ABCC4: variants seen among roughly 807,000 people sequenced by gnomAD.
ABCC4 encodes ATP binding cassette subfamily C member 4 (PEL blood group), also known as ATP-binding cassette sub-family C member 4.
ABCC4 carries 102 observed loss-of-function variants against 168.5 expected under a neutral mutation model. The ratio of observed to expected loss-of-function variants is 0.61; its 90% CI spans 0.52 to 0.71. The LOEUF is 0.71. Among genes scored for constraint, ABCC4 ranks in the 30% least tolerant of loss-of-function variants. ABCC4 has a pLI of 0.00. For missense variants in ABCC4, 1,402 were observed against 1,605.8 expected (o/e 0.87, Z 2.17); for synonymous variants, 617 against 590.7 (o/e 1.04, Z -0.65).
intron 4 of ABCC4, among the ~76,000 whole-genome samples, chr13:95,222,278 A>G (rs1357297611): frequency 6.6e-6 from 1 of 152,324 alleles, no homozygotes; most frequent in East Asian, 1.9e-4. Context: ...GGCTCATACC[A>G]TAACGGCCCA....
intron 6 of ABCC4, among the ~76,000 whole-genome samples, chr13:95,208,608 CTTTTTTTTTTTT>C (rs58749262): frequency 6.4e-4 from 48 of 74,656 alleles, no homozygotes; most frequent in African/African-American, 2.6e-3. Context: ...AGCTGTATTT[CTTTTTTTTTTTT>C]TTTTTTTTTT....
At chr13:95,245,476 G>C (rs922285054) in intron 3 of ABCC4, among the ~76,000 whole-genome samples, 1 of 152,192 alleles carries the variant, frequency 6.6e-6, no homozygotes, top group African/African-American at 2.4e-5. Flanking sequence ...CTTTCCAACT[G>C]AAACTGATCG....
At chr13:95,202,065 T>TG (rs1398624344) in intron 8 of ABCC4, among the ~76,000 whole-genome samples, 1 of 152,206 alleles carries the variant, frequency 6.6e-6, no homozygotes, top group Non-Finnish European at 1.5e-5. Context: ...TGGGTATCAA[T>TG]GGGAAAGTGT....
At chr13:95,230,975 C>T (rs2039604260) in intron 4 of ABCC4, among the ~76,000 whole-genome samples, 1 of 152,154 alleles carries the variant, frequency 6.6e-6, no homozygotes, top group Non-Finnish European at 1.5e-5. Flanking sequence ...ATCTGGCATA[C>T]AATACAACAC....
intron 1 of ABCC4, among the ~76,000 whole-genome samples, chr13:95,285,651 G>A (rs1178861251): frequency 1.3e-5 from 2 of 152,186 alleles, no homozygotes; most frequent in Non-Finnish European, 2.9e-5. Context: ...GAGCTGAGAG[G>A]TAGGTACTCT....
chr13:95,075,330 G>A, intron 22 of ABCC4, 102 bp downstream of exon 22: 2 of 1,490,794 alleles, frequency 1.3e-6, no homozygotes, highest in Non-Finnish European at 1.8e-6. Context: ...ATGTGGGGCT[G>A]GGCCCTGAGG....
chr13:95,126,720 AATATATATATATATATATAT>A (rs71111594), intron 19 of ABCC4, among the ~76,000 whole-genome samples: 2 of 81,672 alleles, frequency 2.4e-5, no homozygotes, highest in African/African-American at 1.2e-4. Context: ...CTTTTTTTGG[AATATATATATATATATATAT>A]ATATATATAT....
rs1243042039 is a variant in ABCC4, at chr13:95,062,692, T to C, written c.3366+12A>G. The C allele has an allele frequency of 1.2e-6, 2 of 1,611,966 alleles. No homozygotes were observed. The highest frequency in any genetic ancestry group is 2.2e-5 in the East Asian group (1 of 44,868). On this transcript the variant is annotated intron_variant, in intron 26 of 30. Coordinates refer to ENST00000645237, the MANE Select transcript of ABCC4 (RefSeq NM_005845.5). Reference sequence around the variant, plus strand: ...ATAAAAGGGGCAGGTAAGGACGCTATGACTTGCATACCTGAGGTATGATTG... The same window carrying C: ...ATAAAAGGGGCAGGTAAGGACGCTACGACTTGCATACCTGAGGTATGATTG...
intron 4 of ABCC4, among the ~76,000 whole-genome samples, chr13:95,221,987 G>A (rs1284803839): frequency 6.6e-6 from 1 of 152,158 alleles, no homozygotes; most frequent in Non-Finnish European, 1.5e-5. Flanking sequence ...CAGATTTCCA[G>A]GCCCTTTCTC....
intron 4 of ABCC4, among the ~76,000 whole-genome samples, chr13:95,220,671 A>G (rs939476611): frequency 3.3e-5 from 5 of 152,196 alleles, no homozygotes; most frequent in African/African-American, 1.2e-4. Context: ...TTAGGAGAAA[A>G]ATGCACAGAG....
intron 13 of ABCC4, among the ~76,000 whole-genome samples, chr13:95,173,331 G>C (rs2037544094): frequency 1.3e-5 from 2 of 152,220 alleles, no homozygotes; most frequent in African/African-American, 4.8e-5. Flanking sequence ...TCTAGTGCGG[G>C]GGCTGGAGGG....
chr13:95,282,859 G>A (rs773728507), intron 1 of ABCC4, among the ~76,000 whole-genome samples: 3 of 151,996 alleles, frequency 2.0e-5, no homozygotes, highest in Non-Finnish European at 4.4e-5. Context: ...TGTTATGTGT[G>A]AGAGAGAGAA....
At chr13:95,174,234 T>G in intron 13 of ABCC4, among the ~76,000 whole-genome samples, 1 of 152,358 alleles carries the variant, frequency 6.6e-6, no homozygotes, top group Non-Finnish European at 1.5e-5. Flanking sequence ...TTGCAACATA[T>G]AGTTGTAAAA....
intron 3 of ABCC4, among the ~76,000 whole-genome samples, chr13:95,236,406 A>C (rs1008447889): frequency 6.6e-6 from 1 of 152,220 alleles, no homozygotes; most frequent in African/African-American, 2.4e-5. Flanking sequence ...CAGGTTTGCC[A>C]TTGATAGCTG....
chr13:95,117,262 A>G (rs1217764962), intron 19 of ABCC4, among the ~76,000 whole-genome samples: 2 of 152,124 alleles, frequency 1.3e-5, no homozygotes, highest in African/African-American at 4.8e-5. Flanking sequence ...TGTTAAAAAA[A>G]AAAAAAAAAA....
intron 30 of ABCC4, among the ~76,000 whole-genome samples, chr13:95,025,352 ACCCC>A (rs774052500): frequency 1.2e-4 from 1 of 8,214 alleles, no homozygotes; most frequent in Non-Finnish European, 2.2e-4. Flanking sequence ...ACACACCCAC[ACCCC>A]CACACACACC....
At chr13:95,097,778 C>T (rs1194631566) in intron 20 of ABCC4, among the ~76,000 whole-genome samples, 1 of 151,042 alleles carries the variant, frequency 6.6e-6, no homozygotes, top group Non-Finnish European at 1.5e-5. Context: ...AAAAAAATCC[C>T]TAAATCTTTA....
At chr13:95,191,439 G>T (rs527723817) in intron 9 of ABCC4, among the ~76,000 whole-genome samples, 37 of 152,072 alleles carry the variant, frequency 2.4e-4, no homozygotes, top group African/African-American at 8.7e-4. Flanking sequence ...CCCAGAATAG[G>T]TTTCTTTACT....
In ABCC4 at chr13:95,247,703, T is replaced by A. The variant is rs748429503; in HGVS notation, c.125A>T (p.Asp42Val). ...TTCTGGCAGCACTGAATACATATCA[T>A]CTTCCTCTAATCTCCGTTTATGGCC... is the stretch of plus-strand genomic sequence containing the variant. Reference protein sequence around the residue: ...KIGHKRRLEEDDMYSVLPEDR... With the variant: ...KIGHKRRLEEVDMYSVLPEDR... The change falls in exon 2 of 31, where the codon GAT becomes GTT. Residue 42 changes from aspartate to valine, a missense_variant. This residue lies in a region of ABCC4 where 317 missense variants were observed against 345.5 expected (regional missense o/e 0.92). Transcript: ENST00000645237. 12 of 1,614,040 alleles carry A rather than the reference T, an allele frequency of 7.4e-6. No homozygotes were observed. Among genetic ancestry groups the A allele is most frequent in the Non-Finnish European group, 1.0e-5 (12 of 1,179,988 alleles).
Sources: allele counts gnomAD v4.1 joint callset (sites outside exome capture counted in the v4.1 genomes callset), GRCh38; gene constraint gnomAD v4.1.1; regional missense constraint gnomAD v4.1.1; transcripts MANE v1.5; gene names NCBI Gene and HGNC (gene_info 2026-07-23, HGNC 2026-07-21).